OR51B5: variants seen among roughly 807,000 people sequenced by gnomAD.
OR51B5 encodes olfactory receptor 51B5.
For missense variants in OR51B5, 456 were observed against 374.6 expected (o/e 1.22, Z -1.79); for synonymous variants, 186 against 144.8 (o/e 1.28, Z -2.04).
intron 1 of OR51B5, among the ~76,000 whole-genome samples, chr11:5,420,329 T>C (rs953101651): frequency 3.9e-5 from 6 of 152,232 alleles, no homozygotes; most frequent in African/African-American, 1.4e-4. Context: ...TCTGTTATTT[T>C]GAAAGTTTAA....
chr11:5,432,501 A>G (rs1850547437), intron 1 of OR51B5, among the ~76,000 whole-genome samples: 1 of 152,212 alleles, frequency 6.6e-6, no homozygotes, highest in African/African-American at 2.4e-5. Context: ...TTCTGGTTGT[A>G]AGAAAAAATG....
At chr11:5,348,477 A>G (rs1849027787), upstream of OR51B5, among the ~76,000 whole-genome samples, 1 of 152,148 alleles carries the variant, frequency 6.6e-6, no homozygotes, top group South Asian at 2.1e-4. Flanking sequence ...CAGAGGTTCA[A>G]ATACTTTCTA....
At chr11:5,418,233 C>T (rs1406178057) in intron 1 of OR51B5, among the ~76,000 whole-genome samples, 2 of 151,850 alleles carry the variant, frequency 1.3e-5, no homozygotes. Context: ...GGAAGGGGAA[C>T]ATCACACTCT....
intron 1 of OR51B5, among the ~76,000 whole-genome samples, chr11:5,406,572 C>G (rs1475489344): frequency 1.3e-5 from 2 of 152,066 alleles, no homozygotes; most frequent in South Asian, 4.1e-4. Flanking sequence ...AGTTATAAGT[C>G]GTTATATTCA....
intron 1 of OR51B5, chr11:5,362,979 AAG>A (rs1491443881): frequency 6.5e-6 from 1 of 153,646 alleles, no homozygotes; most frequent in Non-Finnish European, 1.4e-5. Flanking sequence ...AAAAAAAAAA[AAG>A]AAATAATAGA....
At chr11:5,451,759 G>A (rs7104300) in intron 1 of OR51B5, among the ~76,000 whole-genome samples, 41,360 of 152,032 alleles carry the variant, frequency 0.27, 7,053 homozygotes, top group Non-Finnish European at 0.38. Flanking sequence ...TGCTTTGTTA[G>A]AGGTTGGAGA....
chr11:5,396,069 C>T (rs1417467523), intron 1 of OR51B5, among the ~76,000 whole-genome samples: 2 of 152,118 alleles, frequency 1.3e-5, no homozygotes, highest in Non-Finnish European at 2.9e-5. Context: ...GAGTGAAGAG[C>T]TATTGAAGTT....
At chr11:5,346,773 G>A (rs1848998689), upstream of OR51B5, 1 of 152,044 alleles carries the variant, frequency 6.6e-6, no homozygotes. Context: ...GCTTATAGAG[G>A]AGTCTCCTAG....
intron 1 of OR51B5, among the ~76,000 whole-genome samples, chr11:5,360,274 T>C (rs28817419): frequency 0.37 from 56,152 of 150,610 alleles, 10,707 homozygotes; most frequent in Non-Finnish European, 0.4. Flanking sequence ...CCAGAATCTA[T>C]GATGAACTCA....
intron 1 of OR51B5, chr11:5,430,781 G>T (rs1233366376): frequency 2.2e-6 from 1 of 457,134 alleles, no homozygotes; most frequent in Non-Finnish European, 4.4e-6. Context: ...ATAAGTGTGT[G>T]GACAATGGGA....
chr11:5,429,188 C>T (rs1453666001), intron 1 of OR51B5, among the ~76,000 whole-genome samples: 2 of 151,688 alleles, frequency 1.3e-5, no homozygotes, highest in Non-Finnish European at 2.9e-5. Context: ...TTCCCTAGTC[C>T]CCTGCCCACC....
At chr11:5,412,083 CTAATA>C (rs1395138154) in intron 1 of OR51B5, among the ~76,000 whole-genome samples, 1 of 152,160 alleles carries the variant, frequency 6.6e-6, no homozygotes, top group Non-Finnish European at 1.5e-5. Flanking sequence ...CCACAGAAAA[CTAATA>C]TAACAGCACA....
chr11:5,434,366 C>G (rs1850567167), intron 1 of OR51B5, among the ~76,000 whole-genome samples: 1 of 152,184 alleles, frequency 6.6e-6, no homozygotes, highest in African/African-American at 2.4e-5. Context: ...GTTTCATCAT[C>G]CACTAGACCA....
chr11:5,450,066 C>T (rs1474009534), intron 1 of OR51B5, among the ~76,000 whole-genome samples: 1 of 152,032 alleles, frequency 6.6e-6, no homozygotes, highest in East Asian at 1.9e-4. Flanking sequence ...AACATCAAAG[C>T]CATAAAGGAT....
At chr11:5,399,465 T>C (rs1849934313) in intron 1 of OR51B5, among the ~76,000 whole-genome samples, 1 of 152,160 alleles carries the variant, frequency 6.6e-6, no homozygotes, top group Non-Finnish European at 1.5e-5. Flanking sequence ...AAAACAAAGA[T>C]ACTAATGTGC....
At chr11:5,382,218 T>A (rs1849618652) in intron 1 of OR51B5, among the ~76,000 whole-genome samples, 1 of 152,160 alleles carries the variant, frequency 6.6e-6, no homozygotes, top group African/African-American at 2.4e-5. Context: ...CACCGGAAAA[T>A]CTTATAGTTC....
intron 1 of OR51B5, among the ~76,000 whole-genome samples, chr11:5,476,193 A>G (rs1296412128): frequency 6.6e-6 from 1 of 152,234 alleles, no homozygotes; most frequent in Non-Finnish European, 1.5e-5. Context: ...ATTTCCCCCC[A>G]GTAATAACAT....
At chr11:5,395,355 T>C (rs140957054) in intron 1 of OR51B5, among the ~76,000 whole-genome samples, 549 of 152,246 alleles carry the variant, frequency 3.6e-3, no homozygotes, top group Non-Finnish European at 6.1e-3. Context: ...TTGCTGAAGG[T>C]CCTTTGTTTT....
rs148300569 is a variant in OR51B5 at position 5,371,931 on chromosome 11, C to T, written n.85-25021G>A. Reference sequence around the variant, plus strand: ...TTCTCTTTCTTTCTTCCCCTTTTTACACTGTTTCTATGCATTTGACCTTAT... The same window carrying T: ...TTCTCTTTCTTTCTTCCCCTTTTTATACTGTTTCTATGCATTTGACCTTAT... On this transcript the variant is annotated intron_variant and non_coding_transcript_variant, in intron 1 of 4. Coordinates refer to the OR51B5 transcript ENST00000415970. 8.1e-3 allele frequency among the ~76,000 whole-genome samples: 1,237 copies of T among 152,178 alleles called. 15 individuals are homozygous for T. The highest frequency in any genetic ancestry group is 0.028 in the African/African-American group (1,173 of 41,534).
Sources: allele counts gnomAD v4.1 joint callset (sites outside exome capture counted in the v4.1 genomes callset), GRCh38; gene constraint gnomAD v4.1.1; transcripts MANE v1.5; gene names NCBI Gene and HGNC (gene_info 2026-07-23, HGNC 2026-07-21).